LRBA: variants seen among roughly 807,000 people sequenced by gnomAD.
LRBA encodes lipopolysaccharide-responsive and beige-like anchor protein.
Under a neutral mutation model 330.0 loss-of-function variants are expected in LRBA, and 176 were observed. The observed-to-expected ratio is 0.53, with a 90% CI of 0.47 to 0.60. LRBA has a LOEUF of 0.60. Ranked by LOEUF, LRBA falls within the 20% of genes least tolerant of loss-of-function variation. The probability of loss-of-function intolerance (pLI) is 0.00; values close to 1 mark genes in which losing one functional copy is unlikely to be tolerated. For missense variants in LRBA, 3,259 were observed against 3,444.8 expected (o/e 0.95, Z 1.35); for synonymous variants, 1,230 against 1,193.0 (o/e 1.03, Z -0.64).
chr4:150,404,274 TAG>T (rs1352159330), intron 47 of LRBA, among the ~76,000 whole-genome samples: 1 of 152,148 alleles, frequency 6.6e-6, no homozygotes, highest in Non-Finnish European at 1.5e-5. Flanking sequence ...TAAAATGAAT[TAG>T]ATCAGCCATC....
chr4:150,606,054 A>G (rs552760502), intron 37 of LRBA, among the ~76,000 whole-genome samples: 11 of 152,252 alleles, frequency 7.2e-5, no homozygotes, highest in African/African-American at 2.6e-4. Context: ...TCTGCATGTC[A>G]CTATTCAATG....
intron 36 of LRBA, among the ~76,000 whole-genome samples, chr4:150,684,120 G>A (rs1314606028): frequency 1.3e-5 from 2 of 152,176 alleles, no homozygotes; most frequent in African/African-American, 4.8e-5. Flanking sequence ...ATTATGGTAA[G>A]GAGTTTAGAT....
chr4:150,639,829 A>ATGTGTG (rs1778455538), intron 37 of LRBA, among the ~76,000 whole-genome samples: 1 of 14,440 alleles, frequency 6.9e-5, no homozygotes, highest in African/African-American at 1.5e-4. Flanking sequence ...GTATATATAT[A>ATGTGTG]TATATATATA....
chr4:150,978,119 C>T (rs1385108857), intron 2 of LRBA, among the ~76,000 whole-genome samples: 1 of 152,242 alleles, frequency 6.6e-6, no homozygotes, highest in Non-Finnish European at 1.5e-5. Flanking sequence ...TGACCCAGCA[C>T]AGTCCCAATG....
intron 33 of LRBA, among the ~76,000 whole-genome samples, chr4:150,805,610 G>GGAAAGGAAAGGAAAGGAAAA (rs1742666237): frequency 5.2e-5 from 6 of 115,214 alleles, no homozygotes; most frequent in African/African-American, 2.4e-4. Context: ...GGAAAAGAAA[G>GGAAAGGAAAGGAAAGGAAAA]GAAAGGAAAG....
intron 39 of LRBA, among the ~76,000 whole-genome samples, chr4:150,589,116 T>C (rs554865780): frequency 2.3e-4 from 35 of 151,866 alleles, no homozygotes; most frequent in African/African-American, 8.5e-4. Flanking sequence ...AATTCCATTA[T>C]CAATTCCTCA....
intron 2 of LRBA, among the ~76,000 whole-genome samples, chr4:150,967,527 T>C (rs1739037735): frequency 1.3e-5 from 2 of 152,244 alleles, no homozygotes. Flanking sequence ...CTTTGAATTT[T>C]TAGTCTCCCA....
chr4:150,880,336 G>A (rs1728221492), intron 17 of LRBA, among the ~76,000 whole-genome samples: 1 of 152,060 alleles, frequency 6.6e-6, no homozygotes, highest in Non-Finnish European at 1.5e-5. Context: ...CCTAGGCAAC[G>A]TGGTGAAACT....
chr4:150,384,234 C>T (rs963689142), intron 47 of LRBA, among the ~76,000 whole-genome samples: 4 of 151,808 alleles, frequency 2.6e-5, no homozygotes, highest in Non-Finnish European at 5.9e-5. Flanking sequence ...GATGGGGTTC[C>T]TCCGTGTTGG....
chr4:150,491,691 C>A (rs1758969953), intron 40 of LRBA, among the ~76,000 whole-genome samples: 1 of 152,072 alleles, frequency 6.6e-6, no homozygotes, highest in East Asian at 1.9e-4. Context: ...TGTTACAATT[C>A]TTGTCATCCC....
chr4:150,696,736 T>C (rs549783160), intron 36 of LRBA, among the ~76,000 whole-genome samples: 1 of 151,828 alleles, frequency 6.6e-6, no homozygotes, highest in Non-Finnish European at 1.5e-5. Context: ...CTGGGCACAG[T>C]GGCTCATGTC....
intron 35 of LRBA, among the ~76,000 whole-genome samples, chr4:150,752,712 T>C (rs997451862): frequency 6.6e-6 from 1 of 152,150 alleles, no homozygotes; most frequent in Non-Finnish European, 1.5e-5. Context: ...AAATGTTACA[T>C]CCTCACATCA....
intron 9 of LRBA, among the ~76,000 whole-genome samples, chr4:150,912,222 C>G (rs914279199): frequency 6.6e-6 from 1 of 152,020 alleles, no homozygotes; most frequent in East Asian, 1.9e-4. Context: ...CTGTTAGGAA[C>G]AACAGCAAGA....
chr4:150,906,026 C>T (rs1012087416), intron 12 of LRBA, 36 bp from the exon 13 acceptor site: 1 of 1,593,794 alleles, frequency 6.3e-7, no homozygotes, highest in Non-Finnish European at 8.6e-7. Flanking sequence ...ACCACAAATT[C>T]AAGTCAAAGT....
At chr4:150,844,529 A>G in intron 27 of LRBA, 129 bp downstream of exon 27, 3 of 716,450 alleles carry the variant, frequency 4.2e-6, no homozygotes, top group Non-Finnish European at 6.5e-6. Context: ...TGAATGTTAT[A>G]TGCAGGCCTA....
At chr4:150,423,027 G>C (rs1212134104) in intron 46 of LRBA, 1 of 787,460 alleles carries the variant, frequency 1.3e-6, no homozygotes, top group African/African-American at 1.7e-5. Flanking sequence ...GAGCTTCCAA[G>C]GCTTGTCCTC....
chr4:150,603,504 T>A (rs946731665), intron 37 of LRBA, among the ~76,000 whole-genome samples: 1 of 152,186 alleles, frequency 6.6e-6, no homozygotes, highest in African/African-American at 2.4e-5. Flanking sequence ...TGTTGTTTTT[T>A]AAGATGGTAG....
At chr4:150,364,508 C>A (rs1248357952) in intron 47 of LRBA, among the ~76,000 whole-genome samples, 1 of 152,170 alleles carries the variant, frequency 6.6e-6, no homozygotes, top group Non-Finnish European at 1.5e-5. Flanking sequence ...TCCTTTTGAA[C>A]CAAAGCTGCA....
chr4:150,569,174 GA>G (rs918627905), intron 40 of LRBA, among the ~76,000 whole-genome samples: 1 of 151,878 alleles, frequency 6.6e-6, no homozygotes, highest in African/African-American at 2.4e-5. Flanking sequence ...TCTGCTTGGA[GA>G]AAAAAATACC....
Sources: allele counts gnomAD v4.1 joint callset (sites outside exome capture counted in the v4.1 genomes callset), GRCh38; gene constraint gnomAD v4.1.1; transcripts MANE v1.5; gene names NCBI Gene and HGNC (gene_info 2026-07-23, HGNC 2026-07-21).